Variants in ARHGAP29 observed in about 807,000 individuals in gnomAD.
The protein encoded by ARHGAP29 is rho GTPase-activating protein 29.
A neutral mutation model predicts 122.6 loss-of-function variants in ARHGAP29; 43 were observed. The observed-to-expected ratio is 0.35, with a 90% CI of 0.27 to 0.45. The LOEUF (loss-of-function observed/expected upper bound fraction) is 0.45, where lower values mean the gene tolerates loss of function less well. Ranked by LOEUF, ARHGAP29 falls within the 20% of genes least tolerant of loss-of-function variation. The pLI, the probability that ARHGAP29 is intolerant of heterozygous loss-of-function variation, is 1.00. For missense variants in ARHGAP29, 1,303 were observed against 1,477.2 expected (o/e 0.88, Z 1.93); for synonymous variants, 506 against 497.1 (o/e 1.02, Z -0.24).
intron 6 of ARHGAP29, 80 bp downstream of exon 6, chr1:94,205,555 C>G (rs946671649): frequency 2.4e-5 from 32 of 1,319,554 alleles, no homozygotes; most frequent in Admixed American, 4.1e-5. Context: ...GGTTACTAAG[C>G]AAGAAGAGAT....
At chr1:94,288,008 G>A in the ARHGAP29 span, among the ~76,000 whole-genome samples, 454 of 152,244 alleles carry the variant, frequency 3.0e-3, 4 homozygotes, top group Admixed American at 5.5e-3. Context: ...AATCCTTTGG[G>A]TATATACCCA....
chr1:94,263,840 C>A, intron 1 of ARHGAP29, among the ~76,000 whole-genome samples: 1 of 152,118 alleles, frequency 6.6e-6, no homozygotes, highest in East Asian at 1.9e-4. Flanking sequence ...TAAACATTTT[C>A]CCATGCCATT....
At chr1:94,206,487 A>G (rs1479527874) in intron 5 of ARHGAP29, among the ~76,000 whole-genome samples, 2 of 152,176 alleles carry the variant, frequency 1.3e-5, no homozygotes, top group Non-Finnish European at 2.9e-5. Flanking sequence ...AAGTTCACTA[A>G]CTTTGTAAGT....
the ARHGAP29 span, among the ~76,000 whole-genome samples, chr1:94,286,157 G>A: frequency 1.3e-5 from 2 of 152,164 alleles, no homozygotes; most frequent in African/African-American, 4.8e-5. Context: ...TTCCTGGCTT[G>A]CAGATGGCTG....
At chr1:94,210,606 CAAAAAG>C (rs149267999) in intron 3 of ARHGAP29, among the ~76,000 whole-genome samples, 3,762 of 152,184 alleles carry the variant, frequency 0.025, 77 homozygotes, top group Middle Eastern at 0.099. Context: ...CTGATACAAA[CAAAAAG>C]AAAAAGTTAC....
At position 94,173,225 on chromosome 1, in the gene ARHGAP29, C is replaced by T. The variant is rs573795134; in HGVS notation, c.*644G>A. ...CAGGTTTAAGTGCATTTTCTTTGTACAACTGACTATCACATGTAAAAACTG... is the reference window on the plus strand; with the variant it reads ...CAGGTTTAAGTGCATTTTCTTTGTATAACTGACTATCACATGTAAAAACTG... On this transcript the variant is annotated 3_prime_UTR_variant, in exon 23 of 23. Coordinates refer to ENST00000260526, the MANE Select transcript of ARHGAP29 (RefSeq NM_004815.4). The T allele has an allele frequency of 6.6e-6, 1 of 152,572 alleles. No homozygotes were observed. Among genetic ancestry groups the T allele is most frequent in the Non-Finnish European group, 1.5e-5 (1 of 68,010 alleles). The allele number at this position is 152,572 out of a possible 1,614,324, so 9.5% of individuals were successfully genotyped here.
intron 1 of ARHGAP29, among the ~76,000 whole-genome samples, chr1:94,250,871 G>A (rs778370069): frequency 6.6e-6 from 1 of 152,128 alleles, no homozygotes; most frequent in African/African-American, 2.4e-5. Flanking sequence ...AAACCTCTGT[G>A]CTTGAGCCAT....
chr1:94,224,449 G>A (rs1016001400), intron 2 of ARHGAP29, among the ~76,000 whole-genome samples: 8 of 152,038 alleles, frequency 5.3e-5, no homozygotes, highest in African/African-American at 1.7e-4. Flanking sequence ...ATTAGTGTTG[G>A]GCAAAAACTA....
chr1:94,274,752 C>T (rs1310962036), intron 1 of ARHGAP29, among the ~76,000 whole-genome samples: 3 of 152,204 alleles, frequency 2.0e-5, no homozygotes, highest in African/African-American at 7.2e-5. Flanking sequence ...TCTCTGCTCC[C>T]ACCACCCAGC....
At chr1:94,216,177 T>C (rs543477691) in intron 3 of ARHGAP29, among the ~76,000 whole-genome samples, 9 of 152,212 alleles carry the variant, frequency 5.9e-5, no homozygotes, top group African/African-American at 1.7e-4. Flanking sequence ...ATCTAGGAAT[T>C]TGCATGACTA....
intron 14 of ARHGAP29, 95 bp from the exon 15 acceptor site, chr1:94,189,036 T>C (rs747245498): frequency 9.3e-5 from 130 of 1,404,642 alleles, no homozygotes; most frequent in Non-Finnish European, 1.2e-4. Context: ...TCAAATTTCT[T>C]TAACAATAAC....
chr1:94,250,986 A>G (rs989812203), intron 1 of ARHGAP29, among the ~76,000 whole-genome samples: 5 of 152,182 alleles, frequency 3.3e-5, no homozygotes, highest in Admixed American at 2.6e-4. Flanking sequence ...AAATGCAATT[A>G]TTGATACTAC....
At chr1:94,301,727 A>T in the ARHGAP29 span, among the ~76,000 whole-genome samples, 16 of 152,286 alleles carry the variant, frequency 1.1e-4, no homozygotes, top group African/African-American at 3.8e-4. Flanking sequence ...GCCTTTCTGC[A>T]ACAGCCATCC....
intron 7 of ARHGAP29, among the ~76,000 whole-genome samples, chr1:94,204,533 A>C (rs1437755386): frequency 6.6e-6 from 1 of 152,172 alleles, no homozygotes; most frequent in Non-Finnish European, 1.5e-5. Flanking sequence ...ATGCTATATG[A>C]CTTTAAGCAA....
intron 1 of ARHGAP29, among the ~76,000 whole-genome samples, chr1:94,261,526 G>C (rs763978790): frequency 6.6e-6 from 1 of 152,034 alleles, no homozygotes; most frequent in South Asian, 2.1e-4. Context: ...TGACCTGAAC[G>C]CTCCTTAAGC....
In ARHGAP29 at chr1:94,173,764, G is replaced by T; in HGVS notation, c.*105C>A. 7.4e-7 allele frequency: 1 copy of T among 1,357,004 alleles called. No homozygotes were observed. Among genetic ancestry groups the T allele is most frequent in the Non-Finnish European group, 1.0e-6 (1 of 1,003,550 alleles). 84.1% of individuals were successfully genotyped at this position (1,357,004 alleles called of 1,614,324 possible). ...AACAAAAGGCAAAACCCATGATTTG[G>T]CAGTCCTATACAAAAGAGGCCCTGT... On this transcript the variant is annotated 3_prime_UTR_variant, in exon 23 of 23. Transcript: ENST00000260526.
chr1:94,260,951 T>A (rs1327950974), intron 1 of ARHGAP29, among the ~76,000 whole-genome samples: 1 of 152,192 alleles, frequency 6.6e-6, no homozygotes, highest in Non-Finnish European at 1.5e-5. Context: ...GAGTGTTTCC[T>A]GACTTCCTTA....
chr1:94,259,962 G>T lies in ARHGAP29; in HGVS notation c.-33+15050C>A, dbSNP rs181628648. Among the ~76,000 whole-genome samples the T allele has an allele frequency of 4.9e-4, 75 of 152,302 alleles. No homozygotes were observed. In the Middle Eastern group the frequency reaches 0.01, roughly 21 times the overall value. ...AGAATGAACTTTTCAGAGAGGAAAA[G>T]TGTCCTCCCTGCATAATGCAAAAGT... On this transcript the variant is annotated intron_variant and NMD_transcript_variant, in intron 1 of 25. Coordinates refer to the ARHGAP29 transcript ENST00000552844.
At chr1:94,199,961 C>T (rs1012210202) in intron 12 of ARHGAP29, among the ~76,000 whole-genome samples, 28 of 152,254 alleles carry the variant, frequency 1.8e-4, no homozygotes, top group Middle Eastern at 6.8e-3. Flanking sequence ...TGAACCTCAA[C>T]CTGTACCTTA....
Sources: allele counts gnomAD v4.1 joint callset (sites outside exome capture counted in the v4.1 genomes callset), GRCh38; gene constraint gnomAD v4.1.1; transcripts MANE v1.5; gene names NCBI Gene and HGNC (gene_info 2026-07-23, HGNC 2026-07-21).